Variants in EDC3 observed in about 807,000 individuals in gnomAD.
The protein encoded by EDC3 is enhancer of mRNA decapping 3, also known as enhancer of mRNA-decapping protein 3.
Under a neutral mutation model 41.8 loss-of-function variants are expected in EDC3, and 20 were observed. The ratio of observed to expected loss-of-function variants is 0.48; its 90% CI spans 0.34 to 0.70. EDC3 has a LOEUF of 0.70. EDC3 is among the 30% of genes least tolerant of loss of function. The pLI is 0.01. For missense variants in EDC3, 444 were observed against 636.8 expected (o/e 0.70, Z 3.26); for synonymous variants, 206 against 243.2 (o/e 0.85, Z 1.42).
chr15:74,652,419 G>A (rs1039760713), intron 4 of EDC3, among the ~76,000 whole-genome samples: 3 of 151,784 alleles, frequency 2.0e-5, no homozygotes, highest in Non-Finnish European at 2.9e-5. Context: ...TAGTAGAGAC[G>A]GGGTTTCACC....
chr15:74,634,078 C>G (rs1440618515), intron 6 of EDC3, among the ~76,000 whole-genome samples: 1 of 152,166 alleles, frequency 6.6e-6, no homozygotes, highest in Non-Finnish European at 1.5e-5. Flanking sequence ...ATTCTTCTCC[C>G]TGCTGTTCTC....
intron 5 of EDC3, chr15:74,639,974 C>T (rs2141581454): frequency 6.5e-6 from 1 of 154,594 alleles, no homozygotes; most frequent in Admixed American, 6.5e-5. Flanking sequence ...AGGTCTGGCA[C>T]CTGGTATCAG....
Position 74,632,040 on chromosome 15 carries a change from G to A in EDC3, c.*572C>T, listed in dbSNP as rs890595905. On this transcript the variant is annotated 3_prime_UTR_variant, in exon 7 of 7. Coordinates refer to ENST00000315127, the MANE Select transcript of EDC3 (RefSeq NM_025083.5). The surrounding 1 kb of genome is among the most constrained non-coding windows in gnomAD (Gnocchi z 4.0). Reference sequence around the variant, plus strand: ...CAGCATAAAACTTGGATCAGCTCAGGAGTAAGGGTCAAAACCCCCCAAATC... The same window carrying A: ...CAGCATAAAACTTGGATCAGCTCAGAAGTAAGGGTCAAAACCCCCCAAATC... 4.4e-5 allele frequency: 7 copies of A among 159,830 alleles called. No individual in the cohort carries two copies. Among genetic ancestry groups the A allele is most frequent in the Non-Finnish European group, 8.3e-5 (6 of 71,888 alleles). The allele number at this position is 159,830 out of a possible 1,614,324, so 9.9% of individuals were successfully genotyped here. A position where few individuals can be genotyped will look rare whatever the true frequency, so the allele number is the denominator to read the frequency against.
chr15:74,689,740 G>A (rs1256903679), intron 1 of EDC3, among the ~76,000 whole-genome samples: 1 of 152,132 alleles, frequency 6.6e-6, no homozygotes, highest in African/African-American at 2.4e-5. Flanking sequence ...TAGCCAGGAT[G>A]GTCTCGATCT....
chr15:74,681,733 A>G (rs539174559), intron 1 of EDC3, among the ~76,000 whole-genome samples: 2 of 152,318 alleles, frequency 1.3e-5, no homozygotes, highest in Non-Finnish European at 2.9e-5. Flanking sequence ...TAAGGTTCAC[A>G]CTTTATACAA....
chr15:74,655,676 C>G (rs932039438), intron 4 of EDC3, 57 bp downstream of exon 4: 21 of 1,503,892 alleles, frequency 1.4e-5, no homozygotes, highest in Non-Finnish European at 1.8e-5. Context: ...CTTTCTGTTT[C>G]AAGCATAATA....
intron 3 of EDC3, among the ~76,000 whole-genome samples, chr15:74,670,288 C>G (rs1478848917): frequency 6.6e-6 from 1 of 152,084 alleles, no homozygotes; most frequent in Non-Finnish European, 1.5e-5. Context: ...AGGAGCATAA[C>G]AGATTCCAGT....
intron 1 of EDC3, among the ~76,000 whole-genome samples, chr15:74,689,649 T>C (rs1010014066): frequency 1.3e-5 from 2 of 152,066 alleles, no homozygotes; most frequent in Admixed American, 1.3e-4. Context: ...CTCAGCCTCC[T>C]GAGTAGCTGG....
chr15:74,641,284 G>C (rs1022421975), intron 4 of EDC3: 1 of 152,240 alleles, frequency 6.6e-6, no homozygotes, highest in African/African-American at 2.4e-5. Flanking sequence ...CAGGGAAGCA[G>C]TACAAGTTAA....
chr15:74,634,962 C>T, intron 6 of EDC3: 1 of 414,884 alleles, frequency 2.4e-6, no homozygotes, highest in Admixed American at 2.7e-5. Context: ...CCATCATGAC[C>T]TGACCCTGAA....
intron 3 of EDC3, among the ~76,000 whole-genome samples, chr15:74,657,958 C>T (rs2062571352): frequency 6.6e-6 from 1 of 152,166 alleles, no homozygotes; most frequent in Non-Finnish European, 1.5e-5. Flanking sequence ...AGAGGCCACA[C>T]TAATGCACAT....
At chr15:74,649,231 A>C (rs1175698785) in intron 4 of EDC3, among the ~76,000 whole-genome samples, 2 of 147,108 alleles carry the variant, frequency 1.4e-5, no homozygotes, top group East Asian at 2.0e-4. Context: ...CGCCCGGCTA[A>C]TTTTTTTTTT....
At chr15:74,692,792 ATATTG>A (rs1567186467) in intron 1 of EDC3, 3 of 152,174 alleles carry the variant, frequency 2.0e-5, no homozygotes, top group African/African-American at 7.2e-5. Context: ...CATCAAATTG[ATATTG>A]TATTTAGGTA....
intron 4 of EDC3, among the ~76,000 whole-genome samples, chr15:74,650,972 T>C (rs751153716): frequency 7.2e-5 from 11 of 152,146 alleles, no homozygotes; most frequent in Non-Finnish European, 5.9e-5. Flanking sequence ...CACTCCAGCC[T>C]GGGTGCCAGA....
chr15:74,634,288 G>A (rs2062245515), intron 6 of EDC3, among the ~76,000 whole-genome samples: 1 of 152,062 alleles, frequency 6.6e-6, no homozygotes, highest in African/African-American at 2.4e-5. Context: ...TACTCTCCTG[G>A]TTTTCTTCCT....
intron 4 of EDC3, among the ~76,000 whole-genome samples, chr15:74,653,398 A>G (rs2062505386): frequency 6.6e-6 from 1 of 152,162 alleles, no homozygotes; most frequent in Admixed American, 6.5e-5. Context: ...ACTGCCCCTC[A>G]GTGAAAACCT....
chr15:74,675,862 CAGAG>C (rs2062801159), intron 1 of EDC3, among the ~76,000 whole-genome samples: 1 of 144,460 alleles, frequency 6.9e-6, no homozygotes. Flanking sequence ...GCCTGGGCGA[CAGAG>C]AGAGACTCTG....
intron 3 of EDC3, among the ~76,000 whole-genome samples, chr15:74,662,241 A>T (rs920263160): frequency 8.5e-5 from 13 of 152,058 alleles, no homozygotes; most frequent in Non-Finnish European, 1.2e-4. Flanking sequence ...CTGACCTAGC[A>T]CTTATGCTAC....
At chr15:74,649,147 C>T (rs2141601379) in intron 4 of EDC3, among the ~76,000 whole-genome samples, 1 of 150,044 alleles carries the variant, frequency 6.7e-6, no homozygotes, top group South Asian at 2.1e-4. Flanking sequence ...TCACTGCAAG[C>T]TCCGCCTCCC....
Sources: allele counts gnomAD v4.1 joint callset (sites outside exome capture counted in the v4.1 genomes callset), GRCh38; gene constraint gnomAD v4.1.1; non-coding constraint Gnocchi (gnomAD v3.1); transcripts MANE v1.5; gene names NCBI Gene and HGNC (gene_info 2026-07-23, HGNC 2026-07-21).